Variants in SPTAN1 observed in about 807,000 individuals in gnomAD.
The protein encoded by SPTAN1 is spectrin alpha, non-erythrocytic 1.
SPTAN1 carries 61 observed loss-of-function variants against 331.3 expected under a neutral mutation model. The observed-to-expected ratio is 0.18, with a 90% CI of 0.15 to 0.23. SPTAN1 has a LOEUF of 0.23. Among genes scored for constraint, SPTAN1 ranks in the 10% least tolerant of loss-of-function variants. The pLI is 1.00. For missense variants in SPTAN1, 2,043 were observed against 3,147.9 expected (o/e 0.65, Z 8.40); for synonymous variants, 1,153 against 1,173.9 (o/e 0.98, Z 0.36).
chr9:128,608,109 C>T, intron 33 of SPTAN1, 21 bp from the exon 34 acceptor site: 1 of 1,614,196 alleles, frequency 6.2e-7, no homozygotes. Context: ...CATTTTCTCA[C>T]CTGCCTCTTG....
chr9:128,602,426 A>C (rs558676225), intron 27 of SPTAN1, among the ~76,000 whole-genome samples: 4 of 152,024 alleles, frequency 2.6e-5, no homozygotes, highest in African/African-American at 9.7e-5. Context: ...CAAGTTGGCC[A>C]GGCTGGTATT....
intron 42 of SPTAN1, 109 bp downstream of exon 42, chr9:128,617,869 C>T (rs982622279): frequency 5.2e-5 from 84 of 1,611,256 alleles, no homozygotes; most frequent in South Asian, 4.5e-4. Flanking sequence ...TGTTCATGAC[C>T]CCTCAGTCCA....
chr9:128,627,171 T>A lies in SPTAN1; in HGVS notation c.6577-215T>A. ...CTGCTTGACTGACCAGTCGCTTCCC[T>A]CCAGGTCCGCCTCTTCCTTGAAGCC... On this transcript the variant is annotated intron_variant, in intron 49 of 56. Transcript: ENST00000372739. This position sits in a 1 kb window ranked among gnomAD's most constrained non-coding sequence, Gnocchi z 4.9. 1.6e-6 allele frequency: 1 copy of A among 632,670 alleles called. No homozygotes were observed. Among genetic ancestry groups the A allele is most frequent in the Non-Finnish European group, 2.9e-6 (1 of 344,288 alleles). 39.2% of individuals were successfully genotyped at this position (632,670 alleles called of 1,614,324 possible).
intron 4 of SPTAN1, 100 bp from the exon 5 acceptor site, chr9:128,575,099 T>C: frequency 6.5e-7 from 1 of 1,532,814 alleles, no homozygotes. Flanking sequence ...CCATTAAAGC[T>C]AACATGGCTC....
At chr9:128,611,656 C>A in intron 37 of SPTAN1, 58 bp from the exon 38 acceptor site, 3 of 1,605,876 alleles carry the variant, frequency 1.9e-6, no homozygotes, top group Non-Finnish European at 2.5e-6. Flanking sequence ...CCCCTTCCCC[C>A]TGAAAAGACA....
chr9:128,597,170 A>G (rs1212865034), intron 24 of SPTAN1, among the ~76,000 whole-genome samples: 1 of 152,086 alleles, frequency 6.6e-6, no homozygotes, highest in Non-Finnish European at 1.5e-5. Context: ...ATTAGAGAAA[A>G]AAAAGAAAAA....
At chr9:128,563,715 C>CTTTT (rs532597370) in intron 1 of SPTAN1, among the ~76,000 whole-genome samples, 1 of 133,528 alleles carries the variant, frequency 7.5e-6, no homozygotes, top group Non-Finnish European at 1.6e-5. Context: ...TCAACCATTT[C>CTTTT]TTTTTTTTTT....
chr9:128,590,394 T>G (rs1263360146), intron 21 of SPTAN1, among the ~76,000 whole-genome samples: 2 of 151,992 alleles, frequency 1.3e-5, no homozygotes, highest in Non-Finnish European at 2.9e-5. Flanking sequence ...AACTGGGTGT[T>G]TTATTTAATT....
At chr9:128,591,941 C>T (rs1381834475) in intron 22 of SPTAN1, among the ~76,000 whole-genome samples, 1 of 152,224 alleles carries the variant, frequency 6.6e-6, no homozygotes, top group African/African-American at 2.4e-5. Context: ...GCCCCTACAG[C>T]TCTGTCCACT....
chr9:128,623,239 C>CT lies in SPTAN1; in HGVS notation c.5833-1077dup, dbSNP rs879242470. 7.5e-3 allele frequency among the ~76,000 whole-genome samples: 1,044 copies of CT among 139,990 alleles called. 12 individuals are homozygous for CT. The highest frequency in any genetic ancestry group is 0.046 in the East Asian group (220 of 4,796). The allele number at this position is 139,990 out of a possible 152,430, so 91.8% of individuals were successfully genotyped here. A position where few individuals can be genotyped will look rare whatever the true frequency, so the allele number is the denominator to read the frequency against. ...ACCTGGCTAATTTCTTTCTTTTTTT[C>CT]TTTTTTTTTTTTAAGAGATGGGGTC... On this transcript the variant is annotated intron_variant, in intron 45 of 56. Transcript: ENST00000372739.
At chr9:128,587,816 A>G (rs1315281726) in intron 20 of SPTAN1, 118 bp downstream of exon 20, 5 of 762,394 alleles carry the variant, frequency 6.6e-6, no homozygotes, top group Non-Finnish European at 1.2e-5. Context: ...TGTGACACAA[A>G]GATTTACAGA....
rs768065593 is a variant in SPTAN1, at chr9:128,627,518, G to A, written c.6689+20G>A. 17 of 1,542,218 alleles carry A rather than the reference G, an allele frequency of 1.1e-5. No individual in the cohort carries two copies. Among genetic ancestry groups the A allele is most frequent in the Admixed American group, 9.8e-5 (5 of 50,984 alleles). On this transcript the variant is annotated intron_variant, in intron 50 of 56. Transcript: ENST00000372739. The surrounding 1 kb of genome is among the most constrained non-coding windows in gnomAD (Gnocchi z 4.9). ...GACCAGGTGCCAGCCCGCTGGGGCC[G>A]GGGAGCAGCAGCATGTCCCTGCTGT...
Position 128,583,210 on chromosome 9 carries a change from A to T in SPTAN1, c.1940A>T (p.Asp647Val), listed in dbSNP as rs1485763922. The change falls in exon 15 of 57, where the codon GAT becomes GTT. Residue 647 changes from aspartate to valine, a missense_variant. Coordinates refer to ENST00000372739, the MANE Select transcript of SPTAN1 (RefSeq NM_001130438.3). The stretch of plus-strand genomic sequence containing the variant: ...ATTGATGTCAACCACTATGCCAAGG[A>T]TGAAGTGGCAGCTCGTATGAATGAG... ...KLIDVNHYAKDEVAARMNEVI... is the reference protein window; with the variant it reads ...KLIDVNHYAKVEVAARMNEVI... 3 of 1,614,140 alleles carry T rather than the reference A, an allele frequency of 1.9e-6. No homozygotes were observed. In the East Asian group the frequency reaches 6.7e-5, roughly 36 times the overall value.
chr9:128,626,289 T>G, intron 48 of SPTAN1, 102 bp from the exon 49 acceptor site: 9 of 1,404,502 alleles, frequency 6.4e-6, no homozygotes, highest in Non-Finnish European at 9.0e-6. Context: ...GCAGGCTGTG[T>G]GCGCCTCTGA....
chr9:128,577,488 G>A lies in SPTAN1; in HGVS notation c.1067G>A (p.Arg356Gln), dbSNP rs778117550. The A allele has an allele frequency of 2.5e-6, 4 of 1,613,832 alleles. No individual in the cohort carries two copies. Among genetic ancestry groups the A allele is most frequent in the South Asian group, 2.2e-5 (2 of 91,084 alleles). ...IRTLAAERHARLNDSYRLQRF... is the reference protein window; with the variant it reads ...IRTLAAERHAQLNDSYRLQRF... ...ACCTTGGCGGCAGAGAGACATGCAC[G>A]GCTCAATGATTCATACAGGTGCAAA... Residue 356 changes from arginine to glutamine, a missense_variant, in exon 8 of 57, where the codon CGG becomes CAG. Arg to Gln is a conservative substitution (Grantham distance 43, BLOSUM62 1). Transcript: ENST00000372739. This position sits in a 1 kb window ranked among gnomAD's most constrained non-coding sequence, Gnocchi z 4.2.
intron 53 of SPTAN1, 35 bp from the exon 54 acceptor site, chr9:128,632,396 G>A (rs1285391705): frequency 1.9e-6 from 3 of 1,613,882 alleles, no homozygotes; most frequent in South Asian, 2.2e-5. Context: ...CTGCTGTGTG[G>A]AGGGTCTGTT....
intron 44 of SPTAN1, among the ~76,000 whole-genome samples, chr9:128,619,432 T>C (rs1163901440): frequency 1.3e-5 from 2 of 152,246 alleles, no homozygotes; most frequent in Non-Finnish European, 2.9e-5. Flanking sequence ...GGCAGGACCA[T>C]GTTCTGCAAA....
chr9:128,615,902 C>T (rs765514904), intron 41 of SPTAN1, 62 bp downstream of exon 41: 380 of 1,567,468 alleles, frequency 2.4e-4, no homozygotes, highest in Non-Finnish European at 3.2e-4. Flanking sequence ...GCAGGAACCA[C>T]AGGCTGACTG....
chr9:128,591,313 G>A (rs565503203), intron 21 of SPTAN1, among the ~76,000 whole-genome samples, 164 bp from the exon 22 acceptor site: 52 of 152,024 alleles, frequency 3.4e-4, no homozygotes, highest in African/African-American at 1.3e-3. Flanking sequence ...TAATCCACCC[G>A]CCTCGGTCTC....
Sources: allele counts gnomAD v4.1 joint callset (sites outside exome capture counted in the v4.1 genomes callset), GRCh38; gene constraint gnomAD v4.1.1; non-coding constraint Gnocchi (gnomAD v3.1); transcripts MANE v1.5; gene names NCBI Gene and HGNC (gene_info 2026-07-23, HGNC 2026-07-21).